PGCKA1: variants seen among roughly 807,000 people sequenced by gnomAD.
PGCKA1 encodes PDCD10 and GCKIII kinases associated 1.
At chr4:37,555,161 A>G in the PGCKA1 span, among the ~76,000 whole-genome samples, 2 of 152,082 alleles carry the variant, frequency 1.3e-5, no homozygotes, top group Non-Finnish European at 1.5e-5. Flanking sequence ...AGCACTTACC[A>G]CTGGTTTTGA....
At chr4:37,589,781 A>G in the PGCKA1 span, among the ~76,000 whole-genome samples, 2 of 152,038 alleles carry the variant, frequency 1.3e-5, no homozygotes, top group Non-Finnish European at 2.9e-5. Flanking sequence ...ACAGGTGCCT[A>G]CCACCTCACC....
chr4:37,551,338 T>TA, the PGCKA1 span, among the ~76,000 whole-genome samples: 16 of 152,116 alleles, frequency 1.1e-4, 1 homozygote, highest in South Asian at 1.5e-3. Context: ...AATGGCCCCC[T>TA]AAAAAAATTA....
the PGCKA1 span, among the ~76,000 whole-genome samples, chr4:37,523,453 G>A: frequency 6.6e-6 from 1 of 151,844 alleles, no homozygotes; most frequent in African/African-American, 2.4e-5. Context: ...GGTACTATGA[G>A]GGCACACTGA....
At chr4:37,458,108 C>G in the PGCKA1 span, among the ~76,000 whole-genome samples, 1 of 152,182 alleles carries the variant, frequency 6.6e-6, no homozygotes, top group South Asian at 2.1e-4. Context: ...GTTACTTGGT[C>G]TAACCACCTT....
At chr4:37,489,080 G>T in the PGCKA1 span, among the ~76,000 whole-genome samples, 10 of 152,296 alleles carry the variant, frequency 6.6e-5, no homozygotes, top group East Asian at 1.9e-3. Flanking sequence ...GGTCCTGGAA[G>T]ATTGCCGGGG....
At chr4:37,520,280 G>C in the PGCKA1 span, among the ~76,000 whole-genome samples, 1 of 152,194 alleles carries the variant, frequency 6.6e-6, no homozygotes. Flanking sequence ...CATAGGATGA[G>C]TTTGGAAGTA....
chr4:37,537,788 C>T, the PGCKA1 span, among the ~76,000 whole-genome samples: 2 of 152,194 alleles, frequency 1.3e-5, no homozygotes, highest in Admixed American at 6.5e-5. Context: ...GAAGCTTAAA[C>T]TCTGAATTCT....
the PGCKA1 span, among the ~76,000 whole-genome samples, chr4:37,592,741 GAGA>G: frequency 4.6e-5 from 7 of 151,802 alleles, no homozygotes; most frequent in Admixed American, 1.3e-4. Flanking sequence ...TCTGTAAAGT[GAGA>G]AGAATAATTG....
chr4:37,488,207 A>T, the PGCKA1 span, among the ~76,000 whole-genome samples: 1 of 152,190 alleles, frequency 6.6e-6, no homozygotes, highest in Non-Finnish European at 1.5e-5. Flanking sequence ...ATAATAGTTA[A>T]TTTTTAGGTC....
chr4:37,514,939 A>G, the PGCKA1 span, among the ~76,000 whole-genome samples: 13 of 152,216 alleles, frequency 8.5e-5, no homozygotes, highest in African/African-American at 2.9e-4. Flanking sequence ...AAACCTTCTA[A>G]GAAGAGAAGG....
At chr4:37,485,081 C>T in the PGCKA1 span, among the ~76,000 whole-genome samples, 1 of 152,196 alleles carries the variant, frequency 6.6e-6, no homozygotes, top group Non-Finnish European at 1.5e-5. Flanking sequence ...GTGATTGGAA[C>T]TTTGACTTCA....
the PGCKA1 span, among the ~76,000 whole-genome samples, chr4:37,483,527 A>G: frequency 9.8e-5 from 15 of 152,330 alleles, no homozygotes; most frequent in Middle Eastern, 3.4e-3. Context: ...AGCACTCTTC[A>G]TGGTGAGTCC....
At chr4:37,579,071 A>G in the PGCKA1 span, among the ~76,000 whole-genome samples, 1 of 152,224 alleles carries the variant, frequency 6.6e-6, no homozygotes, top group Non-Finnish European at 1.5e-5. Flanking sequence ...ACATAAATAA[A>G]TAAATAACCA....
the PGCKA1 span, among the ~76,000 whole-genome samples, chr4:37,561,754 G>T: frequency 2.0e-5 from 3 of 152,196 alleles, no homozygotes; most frequent in Non-Finnish European, 4.4e-5. Flanking sequence ...GAAATATGGG[G>T]TTAGGTTCCT....
At chr4:37,571,446 T>G in the PGCKA1 span, among the ~76,000 whole-genome samples, 1 of 128,770 alleles carries the variant, frequency 7.8e-6, no homozygotes, top group African/African-American at 2.9e-5. Flanking sequence ...CACTGCAACC[T>G]CCACCTCCCG....
chr4:37,476,461 T>C, the PGCKA1 span, among the ~76,000 whole-genome samples: 1 of 152,216 alleles, frequency 6.6e-6, no homozygotes, highest in African/African-American at 2.4e-5. Context: ...ATGCTTTAAA[T>C]CCACATATTT....
the PGCKA1 span, among the ~76,000 whole-genome samples, chr4:37,464,731 A>G: frequency 0.1 from 15,942 of 152,246 alleles, 1,125 homozygotes; most frequent in East Asian, 0.34. Flanking sequence ...TAGAGATGTA[A>G]ATTTCCTCAT....
the PGCKA1 span, among the ~76,000 whole-genome samples, chr4:37,523,434 T>C: frequency 6.6e-6 from 1 of 152,110 alleles, no homozygotes; most frequent in African/African-American, 2.4e-5. Context: ...GCAATGGAAG[T>C]TAAAACCAGG....
At chr4:37,585,891 T>C in the PGCKA1 span, among the ~76,000 whole-genome samples, 524 of 152,090 alleles carry the variant, frequency 3.4e-3, 7 homozygotes, top group African/African-American at 0.012. Context: ...TATCTTTCAA[T>C]TGGTGTCACA....
Sources: gnomAD v4.1 joint callset for allele counts (sites outside exome capture counted in the v4.1 genomes callset) on GRCh38, gnomAD v4.1.1 for gene constraint, MANE v1.5 for transcripts, NCBI Gene and HGNC (gene_info 2026-07-23, HGNC 2026-07-21) for gene names.